MCHR2: variants seen among roughly 807,000 people sequenced by gnomAD.
MCHR2 encodes melanin-concentrating hormone receptor 2.
A neutral mutation model predicts 24.8 loss-of-function variants in MCHR2; 15 were observed. That is an observed-to-expected ratio of 0.60 (90% CI 0.40 to 0.93). MCHR2 has a LOEUF of 0.93. MCHR2 is among the 40% of genes least tolerant of loss of function. MCHR2 has a pLI of 0.00. For missense variants in MCHR2, 386 were observed against 408.7 expected, an observed-to-expected ratio of 0.94 and a Z score of 0.48; for synonymous variants, 151 against 147.6, an observed-to-expected ratio of 1.02 and a Z score of -0.17.
rs1020488230 is a variant in MCHR2 at position 99,987,794 on chromosome 6, A to G, written c.-28+6142T>C. On this transcript the variant is annotated intron_variant, in intron 1 of 5. Coordinates refer to ENST00000281806, the MANE Select transcript of MCHR2 (RefSeq NM_001040179.2). ...ATATAAAAGTGACTGAAGTCACTTC[A>G]TTAGCACCCCAAAATAAACACTGTT... is the stretch of plus-strand genomic sequence containing the variant. Among the ~76,000 whole-genome samples the G allele has an allele frequency of 2.6e-5, 4 of 152,204 alleles. No individual in the cohort carries two copies. In the East Asian group the frequency reaches 7.7e-4, roughly 29 times the overall value.
rs1181032375 is a variant in MCHR2, at chr6:99,935,285, T to C, written c.588-768A>G. Among the ~76,000 whole-genome samples, 3 of 152,082 alleles carry C rather than the reference T, an allele frequency of 2.0e-5. No homozygotes were observed. The East Asian group carries it at 5.8e-4, about 29-fold the overall frequency. ...ATATTTTAAAGTATAGTCATCCTAC[T>C]GATTCACCAAACACTAGGTCTTATT... On this transcript the variant is annotated intron_variant, in intron 4 of 5. Coordinates refer to ENST00000281806, the MANE Select transcript of MCHR2 (RefSeq NM_001040179.2).
chr6:99,969,913 A>G (rs1582401182), intron 1 of MCHR2, among the ~76,000 whole-genome samples: 1 of 149,964 alleles, frequency 6.7e-6, no homozygotes, highest in Non-Finnish European at 1.5e-5. Flanking sequence ...ATGGCTGCAT[A>G]GTATTCCATG....
At chr6:99,926,528 T>A (rs62432634) in intron 5 of MCHR2, among the ~76,000 whole-genome samples, 11,067 of 152,296 alleles carry the variant, frequency 0.073, 555 homozygotes, top group Non-Finnish European at 0.11. Context: ...ATGGCCATTC[T>A]AACTGGTGTG....
In MCHR2 at chr6:99,919,734, G is replaced by GTTTT. The variant is rs397774561; in HGVS notation, c.*1202_*1205dup. Among the ~76,000 whole-genome samples, 1 of 140,780 alleles carries GTTTT rather than the reference G, an allele frequency of 7.1e-6. No individual in the cohort carries two copies. The highest frequency in any genetic ancestry group is 1.5e-5 in the Non-Finnish European group (1 of 65,382). The allele number at this position is 140,780 out of a possible 152,430, so 92.4% of individuals were successfully genotyped here. ...TCTTGTTTTTTTTTTTGTTTGTTTT[G>GTTTT]TTTTTTTTTTTGAGATGACGTCTCA... is the stretch of plus-strand genomic sequence containing the variant. On this transcript the variant is annotated 3_prime_UTR_variant, in exon 6 of 6. Coordinates refer to ENST00000281806, the MANE Select transcript of MCHR2 (RefSeq NM_001040179.2).
chr6:99,926,088 G>A (rs1774350588), intron 5 of MCHR2, among the ~76,000 whole-genome samples: 1 of 151,706 alleles, frequency 6.6e-6, no homozygotes, highest in Non-Finnish European at 1.5e-5. Flanking sequence ...TGTGGTGTTT[G>A]GTTTTTTGTC....
At chr6:99,966,375 A>C (rs568143786) in intron 1 of MCHR2, among the ~76,000 whole-genome samples, 2 of 152,168 alleles carry the variant, frequency 1.3e-5, no homozygotes, top group Non-Finnish European at 2.9e-5. Flanking sequence ...CATAAATATA[A>C]TTTTGTGAAT....
intron 3 of MCHR2, 62 bp downstream of exon 3, chr6:99,947,700 G>A: frequency 6.5e-7 from 1 of 1,535,046 alleles, no homozygotes. Context: ...GAATTGGAAT[G>A]AGCTTGGGGA....
chr6:99,966,822 T>C (rs192878818), intron 1 of MCHR2, among the ~76,000 whole-genome samples: 98 of 152,232 alleles, frequency 6.4e-4, no homozygotes, highest in Middle Eastern at 3.4e-3. Flanking sequence ...AATCTCTCAA[T>C]TCTTCAGTAT....
At chr6:99,973,562 C>T (rs1416418024) in intron 1 of MCHR2, among the ~76,000 whole-genome samples, 1 of 152,210 alleles carries the variant, frequency 6.6e-6, no homozygotes, top group African/African-American at 2.4e-5. Context: ...AGCCCATTTA[C>T]ATTTAAAGTT....
chr6:99,992,567 C>T (rs1194533719), intron 1 of MCHR2, among the ~76,000 whole-genome samples: 1 of 152,176 alleles, frequency 6.6e-6, no homozygotes, highest in African/African-American at 2.4e-5. Context: ...CTTTACAGTG[C>T]CTGGTGGCTT....
intron 1 of MCHR2, among the ~76,000 whole-genome samples, chr6:99,972,609 G>C (rs1455334031): frequency 3.3e-5 from 5 of 152,102 alleles, no homozygotes; most frequent in African/African-American, 1.2e-4. Flanking sequence ...GCTAGCTTTT[G>C]AATGTGTTTG....
intron 5 of MCHR2, among the ~76,000 whole-genome samples, chr6:99,922,301 G>A (rs1267437860): frequency 6.6e-6 from 1 of 151,922 alleles, no homozygotes; most frequent in East Asian, 1.9e-4. Flanking sequence ...AAGAGACAGG[G>A]TTTCACCGTG....
intron 1 of MCHR2, among the ~76,000 whole-genome samples, chr6:99,982,553 C>T (rs1015750292): frequency 6.9e-6 from 1 of 145,548 alleles, no homozygotes; most frequent in South Asian, 2.3e-4. Context: ...ACAGGAAGAT[C>T]GCTTGAGCCT....
rs1774200147 is a variant in MCHR2 at position 99,920,449 on chromosome 6, G to A, written c.*491C>T. ...TAAATGGTAACTTATTCTAAAAGGT[G>A]GGGCTTAGTTGTTGAGGGTATTAGT... On this transcript the variant is annotated 3_prime_UTR_variant, in exon 6 of 6. Transcript: ENST00000281806. The A allele has an allele frequency of 6.4e-6, 1 of 155,160 alleles. No homozygotes were observed. Among genetic ancestry groups the A allele is most frequent in the Admixed American group, 6.3e-5 (1 of 16,000 alleles). 9.6% of individuals were successfully genotyped at this position (155,160 alleles called of 1,614,324 possible).
chr6:99,991,078 A>G (rs141189777), intron 1 of MCHR2, among the ~76,000 whole-genome samples: 2 of 152,072 alleles, frequency 1.3e-5, no homozygotes, highest in African/African-American at 4.8e-5. Flanking sequence ...GCATATGCCA[A>G]TGGTTCTGAA....
At chr6:99,945,056 T>C (rs1263882414) in intron 3 of MCHR2, among the ~76,000 whole-genome samples, 2 of 152,166 alleles carry the variant, frequency 1.3e-5, no homozygotes, top group Non-Finnish European at 1.5e-5. Flanking sequence ...GGAGGGACCA[T>C]GACTATAAAA....
chr6:99,921,719 C>A (rs1408020228), intron 5 of MCHR2, among the ~76,000 whole-genome samples: 5 of 152,116 alleles, frequency 3.3e-5, no homozygotes, highest in African/African-American at 9.7e-5. Flanking sequence ...CTTATTCATT[C>A]TTTTGAACTA....
At chr6:99,945,228 CCT>C (rs1218219266) in intron 3 of MCHR2, among the ~76,000 whole-genome samples, 3 of 152,130 alleles carry the variant, frequency 2.0e-5, no homozygotes, top group African/African-American at 7.2e-5. Context: ...CACTGTATCC[CCT>C]GTGTCCAACA....
intron 5 of MCHR2, among the ~76,000 whole-genome samples, chr6:99,922,845 T>G (rs1391866681): frequency 6.6e-6 from 1 of 152,156 alleles, no homozygotes. Flanking sequence ...GTTTTATTCT[T>G]TTTGCTCAGG....
Sources: allele counts gnomAD v4.1 joint callset (sites outside exome capture counted in the v4.1 genomes callset), GRCh38; gene constraint gnomAD v4.1.1; transcripts MANE v1.5; gene names NCBI Gene and HGNC (gene_info 2026-07-23, HGNC 2026-07-21).